The following TGFB3 variants were observed in gnomAD, a reference collection of about 807,000 sequenced individuals.
TGFB3 encodes transforming growth factor beta-3 proprotein.
A neutral mutation model predicts 40.1 loss-of-function variants in TGFB3; 5 were observed. The ratio of observed to expected loss-of-function variants is 0.12; its 90% CI spans 0.07 to 0.26. The LOEUF is 0.26. TGFB3 is among the 10% of genes least tolerant of loss of function. The pLI is 1.00. For missense variants in TGFB3, 373 were observed against 530.1 expected (o/e 0.70, Z 2.91); for synonymous variants, 184 against 205.6 (o/e 0.89, Z 0.90).
At chr14:75,959,931 C>CT (rs71122509) in intron 6 of TGFB3, among the ~76,000 whole-genome samples, 16,380 of 31,936 alleles carry the variant, frequency 0.51, 7,465 homozygotes, top group Non-Finnish European at 0.58. Context: ...ATTATCTTGG[C>CT]TTTTTTTTTT....
At chr14:75,969,329 C>T (rs1185228505) in intron 3 of TGFB3, among the ~76,000 whole-genome samples, 2 of 152,148 alleles carry the variant, frequency 1.3e-5, no homozygotes. Flanking sequence ...AGAGAAGGAA[C>T]AGATGGGACT....
intron 1 of TGFB3, among the ~76,000 whole-genome samples, chr14:75,973,142 A>G (rs940658486): frequency 5.3e-5 from 8 of 152,260 alleles, no homozygotes; most frequent in Non-Finnish European, 1.2e-4. Context: ...ACAAATGGTA[A>G]CAATAGCCCG....
chr14:75,977,613 A>G (rs575729213), intron 1 of TGFB3, among the ~76,000 whole-genome samples: 2 of 151,034 alleles, frequency 1.3e-5, no homozygotes, highest in East Asian at 3.9e-4. Flanking sequence ...AAACTCCTTC[A>G]TTAAATTAGG....
rs752881332 is a variant in TGFB3, at chr14:75,980,767, T to C, written c.127A>G (p.Ile43Val). The change falls in exon 1 of 7, where the codon ATT (isoleucine) becomes GTT (valine). Residue 43 changes from isoleucine to valine, a missense_variant. By Grantham distance (29) the Ile-to-Val change is conservative. Transcript: ENST00000238682. This position sits in a 1 kb window ranked among gnomAD's most constrained non-coding sequence, Gnocchi z 4.3. ...AGCTTGCTCAAGATCTGTCCCCTAA[T>C]GGCTTCCACCCTCTTCTTCTTGATG... ...GHIKKKRVEA[I>V]RGQILSKLRL... 6.2e-7 allele frequency: 1 copy of C among 1,614,136 alleles called. No homozygotes were observed. The highest frequency in any genetic ancestry group is 1.1e-5 in the South Asian group (1 of 91,078).
At chr14:75,973,011 G>A (rs572497066) in intron 1 of TGFB3, among the ~76,000 whole-genome samples, 5 of 152,272 alleles carry the variant, frequency 3.3e-5, no homozygotes, top group Admixed American at 2.0e-4. Flanking sequence ...TGTGGGCAGC[G>A]AATGCTCTTT....
At chr14:75,962,766 C>T (rs2035172704) in intron 5 of TGFB3, among the ~76,000 whole-genome samples, 1 of 152,202 alleles carries the variant, frequency 6.6e-6, no homozygotes, top group African/African-American at 2.4e-5. Context: ...AGTGAAACTG[C>T]TCCTGAGTAA....
rs767125999 is a variant in TGFB3, at chr14:75,971,222, G to A, written c.550C>T (p.Arg184Cys). Reference sequence around the variant, plus strand: ...GGCAGATTCTTGCCACCGATATAGCGCTGTTTGGCAATGTGCTCATCTGGC... The same window carrying A: ...GGCAGATTCTTGCCACCGATATAGCACTGTTTGGCAATGTGCTCATCTGGC... ...LRPDEHIAKQ[R>C]YIGGKNLPTR... The change falls in exon 3 of 7, where the codon CGC (arginine) becomes TGC (cysteine). Residue 184 changes from arginine (R) to cysteine (C), a missense_variant. Transcript: ENST00000238682. This position sits in a 1 kb window ranked among gnomAD's most constrained non-coding sequence, Gnocchi z 4.5. 3.1e-6 allele frequency: 5 copies of A among 1,614,158 alleles called. No homozygotes were observed. Among genetic ancestry groups the A allele is most frequent in the East Asian group, 2.2e-5 (1 of 44,890 alleles).
rs142069844 is a variant in TGFB3, at chr14:75,963,445, C to A, written c.797G>T (p.Arg266Leu). The A allele has an allele frequency of 1.2e-6, 2 of 1,614,022 alleles. No homozygotes were observed. Among genetic ancestry groups the A allele is most frequent in the African/African-American group, 2.7e-5 (2 of 74,904 alleles). ...EDDHGRGDLG[R>L]LKKQKDHHNP... The stretch of plus-strand genomic sequence containing the variant: ...GTGGTGATCCTTCTGCTTCTTGAGG[C>A]GCCCCAGATCTCCACGGCCATGGTC... Residue 266 changes from arginine (R) to leucine (L), a missense_variant, in exon 5 of 7, where the codon CGC (arginine) becomes CTC (leucine). Coordinates refer to ENST00000238682, the MANE Select transcript of TGFB3 (RefSeq NM_003239.5).
Position 75,980,580 on chromosome 14 carries a change from A to G in TGFB3, c.314T>C (p.Ile105Thr), listed in dbSNP as rs748551013. The change falls in exon 1 of 7, where the codon ATC becomes ACC. Residue 105 changes from isoleucine (I) to threonine (T), a missense_variant. Ile to Thr is a moderately conservative substitution (Grantham distance 89). Transcript: ENST00000238682. The surrounding 1 kb of genome is among the most constrained non-coding windows in gnomAD (Gnocchi z 4.3). ...NTESEYYAKE[I>T]HKFDMIQGLA... ...CCCCTGGATCATGTCGAATTTATGG[A>G]TTTCTTTGGCATAGTATTCCGACTC... The G allele has an allele frequency of 6.2e-7, 1 of 1,614,068 alleles. No homozygotes were observed. Among genetic ancestry groups the G allele is most frequent in the Non-Finnish European group, 8.5e-7 (1 of 1,180,004 alleles).
chr14:75,963,207 A>G, intron 5 of TGFB3, 109 bp downstream of exon 5: 2 of 1,220,298 alleles, frequency 1.6e-6, no homozygotes, highest in Non-Finnish European at 2.4e-6. Flanking sequence ...GATGTTTGTG[A>G]ATAGCATCAG....
Position 75,971,707 on chromosome 14 carries a change from C to G in TGFB3, c.364G>C (p.Val122Leu), listed in dbSNP as rs779277167. The G allele has an allele frequency of 6.2e-7, 1 of 1,614,236 alleles. No homozygotes were observed. Among genetic ancestry groups the G allele is most frequent in the Admixed American group, 1.7e-5 (1 of 60,028 alleles). Residue 122 changes from valine (V) to leucine (L), a missense_variant, in exon 2 of 7, where the codon GTC becomes CTC. Transcript: ENST00000238682. This position sits in a 1 kb window ranked among gnomAD's most constrained non-coding sequence, Gnocchi z 4.5. ...TTGGAGGTAATTCCTTTAGGGCAGA[C>G]AGCCAGTTCGTCTAGGAGATAAAGC... ...QGLAEHNELA[V>L]CPKGITSKVF...
intron 6 of TGFB3, 95 bp from the exon 7 acceptor site, chr14:75,959,440 A>C: frequency 6.7e-7 from 1 of 1,498,082 alleles, no homozygotes; most frequent in East Asian, 2.3e-5. Context: ...CCAGAAGCTG[A>C]GCAAGTGCTA....
intron 5 of TGFB3, among the ~76,000 whole-genome samples, chr14:75,962,765 G>T (rs1001307487): frequency 6.6e-6 from 1 of 152,218 alleles, no homozygotes; most frequent in Non-Finnish European, 1.5e-5. Context: ...CAGTGAAACT[G>T]CTCCTGAGTA....
rs1366582628 is a variant in TGFB3, at chr14:75,959,077, G to A, written c.*110C>T. On this transcript the variant is annotated 3_prime_UTR_variant, in exon 7 of 7. Transcript: ENST00000238682. ...CTCAGCCATTTGCCCGGAGCCGAAGGTTGTGGGCTCCAGGCCTCTCAGTGA... is the reference window on the plus strand; with the variant it reads ...CTCAGCCATTTGCCCGGAGCCGAAGATTGTGGGCTCCAGGCCTCTCAGTGA... 1 of 1,405,878 alleles carries A rather than the reference G, an allele frequency of 7.1e-7. No individual in the cohort carries two copies. Among genetic ancestry groups the A allele is most frequent in the Non-Finnish European group, 1.0e-6 (1 of 993,902 alleles). The allele number at this position is 1,405,878 out of a possible 1,614,324, so 87.1% of individuals were successfully genotyped here. A position where few individuals can be genotyped will look rare whatever the true frequency, so the allele number is the denominator to read the frequency against.
intron 3 of TGFB3, among the ~76,000 whole-genome samples, chr14:75,968,335 G>C (rs1473917438): frequency 1.3e-5 from 2 of 152,148 alleles, no homozygotes; most frequent in African/African-American, 4.8e-5. Flanking sequence ...GGGAAAGGTG[G>C]GCAGTATCTG....
chr14:75,967,198 C>T (rs1285758876), intron 3 of TGFB3, among the ~76,000 whole-genome samples: 1 of 152,246 alleles, frequency 6.6e-6, no homozygotes, highest in Non-Finnish European at 1.5e-5. Flanking sequence ...CCCAGTCCTA[C>T]TGGTTAAAAC....
chr14:75,966,681 G>A (rs1249050853), intron 3 of TGFB3: 2 of 152,170 alleles, frequency 1.3e-5, no homozygotes, highest in South Asian at 2.1e-4. Flanking sequence ...GTGCGTGAAG[G>A]GCAACTCCAG....
In TGFB3 at chr14:75,978,678, A is replaced by G. The variant is rs920947120; in HGVS notation, c.352+1864T>C. 3.3e-5 allele frequency among the ~76,000 whole-genome samples: 5 copies of G among 152,250 alleles called. No homozygotes were observed. The highest frequency in any genetic ancestry group is 7.3e-5 in the Non-Finnish European group (5 of 68,036). On this transcript the variant is annotated intron_variant, in intron 1 of 6. Transcript: ENST00000238682. The surrounding 1 kb of genome is among the most constrained non-coding windows in gnomAD (Gnocchi z 5.0). ...TACTGCAGCCTGGAAGCTGCCCAGC[A>G]TCTATGGGGCCCTGCCCGGGCTTTT...
chr14:75,982,030 C>T (rs373896787), upstream of TGFB3, among the ~76,000 whole-genome samples: 80 of 152,204 alleles, frequency 5.3e-4, no homozygotes, highest in East Asian at 0.01. This position sits in a 1 kb window ranked among gnomAD's most constrained non-coding sequence, Gnocchi z 4.0. Context: ...TTTATACCTC[C>T]CTCCCATGAC....
Sources: allele counts gnomAD v4.1 joint callset (sites outside exome capture counted in the v4.1 genomes callset), GRCh38; gene constraint gnomAD v4.1.1; non-coding constraint Gnocchi (gnomAD v3.1); transcripts MANE v1.5; gene names NCBI Gene and HGNC (gene_info 2026-07-23, HGNC 2026-07-21).